Variants in HDAC4 observed in about 807,000 individuals in gnomAD.
HDAC4 encodes the protein histone deacetylase A.
A neutral mutation model predicts 135.1 loss-of-function variants in HDAC4; 16 were observed. That is an observed-to-expected ratio of 0.12 (90% CI 0.08 to 0.18). The LOEUF is 0.18. HDAC4 is among the 10% of genes least tolerant of loss of function. HDAC4 has a pLI of 1.00. For missense variants in HDAC4, 1,143 were observed against 1,511.8 expected (o/e 0.76, Z 4.05); for synonymous variants, 685 against 653.4 (o/e 1.05, Z -0.74).
At chr2:239,380,833 C>A in intron 1 of HDAC4, among the ~76,000 whole-genome samples, 1 of 152,112 alleles carries the variant, frequency 6.6e-6, no homozygotes. Flanking sequence ...TGCTGCCTAC[C>A]GATCTCCACT....
At chr2:239,297,111 G>A (rs569344630) in intron 2 of HDAC4, among the ~76,000 whole-genome samples, 226 of 151,940 alleles carry the variant, frequency 1.5e-3, no homozygotes, top group African/African-American at 5.2e-3. Context: ...TCAGGGGCAC[G>A]GGTGGCTCCC....
At chr2:239,120,556 A>G (rs1449012970) in intron 12 of HDAC4, among the ~76,000 whole-genome samples, 1 of 140,590 alleles carries the variant, frequency 7.1e-6, no homozygotes, top group African/African-American at 2.6e-5. Context: ...AAGGGTGGGT[A>G]CAATGCCAGG....
chr2:239,064,312 T>C (rs1024599474), intron 24 of HDAC4, among the ~76,000 whole-genome samples: 4 of 152,190 alleles, frequency 2.6e-5, no homozygotes, highest in African/African-American at 9.7e-5. Context: ...CTGGCCTTTC[T>C]GGGAAAGCCA....
intron 3 of HDAC4, among the ~76,000 whole-genome samples, chr2:239,234,312 T>C (rs185411023): frequency 1.3e-5 from 2 of 152,266 alleles, no homozygotes; most frequent in East Asian, 1.9e-4. Flanking sequence ...ATGCAATAAA[T>C]GCCAGGAGAC....
chr2:239,383,668 C>G (rs976622894), intron 1 of HDAC4, among the ~76,000 whole-genome samples: 1 of 151,876 alleles, frequency 6.6e-6, no homozygotes, highest in Non-Finnish European at 1.5e-5. Context: ...GGAGAAAGCG[C>G]GGCAACGACA....
At chr2:239,223,705 G>A (rs2047089533) in intron 3 of HDAC4, among the ~76,000 whole-genome samples, 1 of 152,058 alleles carries the variant, frequency 6.6e-6, no homozygotes, top group Admixed American at 6.6e-5. Flanking sequence ...GTCCCACTTT[G>A]AGCAGGACCT....
chr2:239,095,659 G>A (rs1268345867), intron 16 of HDAC4, among the ~76,000 whole-genome samples: 1 of 152,190 alleles, frequency 6.6e-6, no homozygotes, highest in Non-Finnish European at 1.5e-5. Flanking sequence ...TCCTCCCATG[G>A]AAATCGGGGC....
chr2:239,367,947 C>T, intron 1 of HDAC4, among the ~76,000 whole-genome samples: 1 of 152,084 alleles, frequency 6.6e-6, no homozygotes, highest in East Asian at 1.9e-4. Flanking sequence ...CACTGCACTC[C>T]AGCCTGGGCG....
chr2:239,362,293 T>TA (rs1693915627), intron 1 of HDAC4, among the ~76,000 whole-genome samples: 1 of 152,246 alleles, frequency 6.6e-6, no homozygotes, highest in Non-Finnish European at 1.5e-5. Flanking sequence ...CACTAACGCT[T>TA]ACGTGTGGGT....
intron 3 of HDAC4, among the ~76,000 whole-genome samples, chr2:239,224,212 C>G (rs539499661): frequency 6.6e-6 from 1 of 152,232 alleles, no homozygotes; most frequent in Non-Finnish European, 1.5e-5. Flanking sequence ...GAAATCCCAT[C>G]TACGTCAGAT....
chr2:239,136,028 C>T (rs976529222), intron 9 of HDAC4, among the ~76,000 whole-genome samples: 4 of 152,134 alleles, frequency 2.6e-5, no homozygotes, highest in Non-Finnish European at 5.9e-5. Flanking sequence ...GTAGAATGAA[C>T]GTGTTTTGCT....
chr2:239,342,337 G>A (rs1209659921), intron 2 of HDAC4, among the ~76,000 whole-genome samples: 1 of 151,816 alleles, frequency 6.6e-6, no homozygotes, highest in Non-Finnish European at 1.5e-5. Flanking sequence ...AACTCAAAGA[G>A]CTAATTTGAA....
At chr2:239,209,660 C>G (rs3791596) in intron 3 of HDAC4, among the ~76,000 whole-genome samples, 21,118 of 152,222 alleles carry the variant, frequency 0.14, 1,570 homozygotes, top group East Asian at 0.23. Flanking sequence ...GTTGTTACAT[C>G]TGACTACATT....
At chr2:239,099,982 G>A (rs1167218476) in intron 16 of HDAC4, among the ~76,000 whole-genome samples, 1 of 152,244 alleles carries the variant, frequency 6.6e-6, no homozygotes, top group East Asian at 1.9e-4. Context: ...TACTCACCCG[G>A]CAGTTTGGCG....
At chr2:239,125,290 G>C (rs1318031088) in intron 12 of HDAC4, among the ~76,000 whole-genome samples, 3 of 152,188 alleles carry the variant, frequency 2.0e-5, no homozygotes, top group African/African-American at 7.2e-5. Flanking sequence ...GGTCTGGTCG[G>C]TTAGAAGTGT....
Position 239,299,849 on chromosome 2 carries a change from C to T in HDAC4, c.22+52829G>A, listed in dbSNP as rs149143240. ...CAGACGAACCAAACCAGCAACAGAG[C>T]GGAGAGCCTGCAGGGACGCAGCTGG... On this transcript the variant is annotated intron_variant, in intron 2 of 26. Coordinates refer to ENST00000543185, the MANE Select transcript of HDAC4 (RefSeq NM_001378414.1). The surrounding 1 kb of genome is among the most constrained non-coding windows in gnomAD (Gnocchi z 4.0). 2.6e-5 allele frequency among the ~76,000 whole-genome samples: 4 copies of T among 152,242 alleles called. No homozygotes were observed. The highest frequency in any genetic ancestry group is 9.6e-5 in the African/African-American group (4 of 41,546).
rs1345959423 is a variant in HDAC4, at chr2:239,349,829, C to A, written c.22+2849G>T. 1.3e-5 allele frequency among the ~76,000 whole-genome samples: 2 copies of A among 152,236 alleles called. No homozygotes were observed. Among genetic ancestry groups the A allele is most frequent in the Non-Finnish European group, 2.9e-5 (2 of 68,036 alleles). On this transcript the variant is annotated intron_variant, in intron 2 of 26. Coordinates refer to ENST00000543185, the MANE Select transcript of HDAC4 (RefSeq NM_001378414.1). The surrounding 1 kb of genome is among the most constrained non-coding windows in gnomAD (Gnocchi z 5.7). Reference sequence around the variant, plus strand: ...CAAACCACCTCAGCTGTACCCCCTGCACAGATGGAGAGCAGAGAATGGGCT... The same window carrying A: ...CAAACCACCTCAGCTGTACCCCCTGAACAGATGGAGAGCAGAGAATGGGCT...
At chr2:239,149,985 G>A (rs2042008702) in intron 7 of HDAC4, among the ~76,000 whole-genome samples, 1 of 152,206 alleles carries the variant, frequency 6.6e-6, no homozygotes. Context: ...TACTAACACA[G>A]TGAGGAAAGG....
rs1388405180 is a variant in HDAC4, at chr2:239,048,577, A to ATAGATAGATAGATAGC, written c.*4519_*4520insGCTATCTATCTATCTA. On this transcript the variant is annotated 3_prime_UTR_variant, in exon 27 of 27. Transcript: ENST00000543185. ...GCCCCCTGTATAGATAGATAGATAG[A>ATAGATAGATAGATAGC]TAGATAGATAGATAGATTATATATG... is the stretch of plus-strand genomic sequence containing the variant. 6.6e-6 allele frequency: 1 copy of ATAGATAGATAGATAGC among 152,054 alleles called. No individual in the cohort carries two copies. Among genetic ancestry groups the ATAGATAGATAGATAGC allele is most frequent in the East Asian group, 1.9e-4 (1 of 5,190 alleles). 9.4% of individuals were successfully genotyped at this position (152,054 alleles called of 1,614,324 possible).
Sources: allele counts gnomAD v4.1 joint callset (sites outside exome capture counted in the v4.1 genomes callset), GRCh38; gene constraint gnomAD v4.1.1; non-coding constraint Gnocchi (gnomAD v3.1); transcripts MANE v1.5; gene names NCBI Gene and HGNC (gene_info 2026-07-23, HGNC 2026-07-21).